The following CLYBL variants were observed in gnomAD, a reference collection of about 807,000 sequenced individuals.
The protein encoded by CLYBL is citramalyl-CoA lyase, mitochondrial.
Under a neutral mutation model 38.9 loss-of-function variants are expected in CLYBL, and 31 were observed. The ratio of observed to expected loss-of-function variants is 0.80; its 90% CI spans 0.60 to 1.08. The LOEUF (loss-of-function observed/expected upper bound fraction) is 1.08. CLYBL is among the 50% of genes least tolerant of loss of function. The pLI, the probability that CLYBL is intolerant of heterozygous loss-of-function variation, is 0.00. For synonymous variants in CLYBL, 171 were observed against 158.6 expected, an observed-to-expected ratio of 1.08 and a Z score of -0.59; for missense variants, 434 against 411.6, an observed-to-expected ratio of 1.05 and a Z score of -0.47.
intron 2 of CLYBL, among the ~76,000 whole-genome samples, chr13:99,822,886 A>G (rs1356307959): frequency 6.6e-6 from 1 of 152,220 alleles, no homozygotes; most frequent in Non-Finnish European, 1.5e-5. Flanking sequence ...TAGTATGGTC[A>G]GACTGTTATT....
rs184785280 is a variant in CLYBL at position 99,825,868 on chromosome 13, C to G, written c.250-32993C>G. Among the ~76,000 whole-genome samples the G allele has an allele frequency of 3.9e-5, 6 of 152,278 alleles. No individual in the cohort carries two copies. The East Asian group carries it at 1.2e-3, about 29-fold the overall frequency. ...CATCAAATGGATGGGTCTTCCTGCC[C>G]GCTGTTTCAGTTTGCCTCCCAGTCC... is the stretch of plus-strand genomic sequence containing the variant. On this transcript the variant is annotated intron_variant, in intron 2 of 8. Transcript: ENST00000339105.
intron 1 of CLYBL, among the ~76,000 whole-genome samples, chr13:99,682,817 A>G (rs2047756565): frequency 6.6e-6 from 1 of 151,770 alleles, no homozygotes; most frequent in African/African-American, 2.4e-5. Flanking sequence ...GCTCACTGCA[A>G]TCTCAGCCTC....
chr13:99,889,535 A>T (rs2052435459), intron 7 of CLYBL, among the ~76,000 whole-genome samples: 1 of 152,190 alleles, frequency 6.6e-6, no homozygotes, highest in African/African-American at 2.4e-5. Flanking sequence ...CTAGGGGTAA[A>T]AACAGTAAAA....
chr13:99,646,557 C>T lies in CLYBL; in HGVS notation c.62+39800C>T, dbSNP rs190287643. On this transcript the variant is annotated intron_variant, in intron 1 of 8. Transcript: ENST00000339105. ...GAGATGGAGTCTCACTCTGGCACCC[C>T]GGCTGGAGTGCAGTGGCGTGATCTC... Among the ~76,000 whole-genome samples the T allele has an allele frequency of 9.7e-3, 1,363 of 140,128 alleles. 24 individuals carry two copies. The highest frequency in any genetic ancestry group is 0.034 in the African/African-American group (1,271 of 37,034). 91.9% of individuals were successfully genotyped at this position (140,128 alleles called of 152,430 possible).
At chr13:99,898,995 C>T (rs925980189), downstream of CLYBL, among the ~76,000 whole-genome samples, 2 of 152,192 alleles carry the variant, frequency 1.3e-5, no homozygotes, top group African/African-American at 2.4e-5. Context: ...CTGAGTCTCC[C>T]TCCTCCACTT....
intron 7 of CLYBL, chr13:99,884,858 C>T (rs2052306996): frequency 7.2e-6 from 3 of 414,088 alleles, no homozygotes; most frequent in Admixed American, 5.3e-5. Context: ...AAAGATTCAG[C>T]AGGGATGTGT....
intron 3 of CLYBL, among the ~76,000 whole-genome samples, chr13:99,860,692 A>C (rs1179791840): frequency 6.6e-6 from 1 of 152,260 alleles, no homozygotes; most frequent in Non-Finnish European, 1.5e-5. Flanking sequence ...AATCCTTGGA[A>C]GTGAGACACA....
downstream of CLYBL, chr13:99,895,194 C>T (rs1261837678): frequency 6.6e-6 from 1 of 151,942 alleles, no homozygotes; most frequent in Non-Finnish European, 1.5e-5. Context: ...TGACTTTCTT[C>T]ATTGGGGACA....
At chr13:99,648,676 G>C (rs1219765122) in intron 1 of CLYBL, among the ~76,000 whole-genome samples, 1 of 152,138 alleles carries the variant, frequency 6.6e-6, no homozygotes, top group Admixed American at 6.6e-5. Context: ...TCAGTGTTTA[G>C]GGTCTTTTCT....
At chr13:99,779,837 G>A (rs370802868) in intron 2 of CLYBL, among the ~76,000 whole-genome samples, 2 of 152,102 alleles carry the variant, frequency 1.3e-5, no homozygotes, top group African/African-American at 2.4e-5. Flanking sequence ...GACATGGTGG[G>A]TGGTTAGAGA....
At chr13:99,904,158 G>A (rs1566374244) in intron 8 of CLYBL, among the ~76,000 whole-genome samples, 1 of 152,172 alleles carries the variant, frequency 6.6e-6, no homozygotes, top group African/African-American at 2.4e-5. Flanking sequence ...CTGGATCTTG[G>A]CTGATATTAG....
chr13:99,665,837 T>A (rs2047473194), intron 1 of CLYBL, among the ~76,000 whole-genome samples: 1 of 152,240 alleles, frequency 6.6e-6, no homozygotes, highest in African/African-American at 2.4e-5. Context: ...CAGATGGGAT[T>A]CTCAGATCGT....
rs562349313 is a variant in CLYBL at position 99,671,912 on chromosome 13, C to T, written c.62+65155C>T. On this transcript the variant is annotated intron_variant, in intron 1 of 8. Coordinates refer to ENST00000339105, the MANE Select transcript of CLYBL (RefSeq NM_206808.5). ...TGGACTCACGTCCCTGACTTGTGCA[C>T]CTCCCTCCCAAGCACACAGTCCCCT... Among the ~76,000 whole-genome samples the T allele has an allele frequency of 3.3e-5, 5 of 152,298 alleles. No homozygotes were observed. The East Asian group carries it at 9.6e-4, about 29-fold the overall frequency.
At chr13:99,790,220 G>A (rs1229778509) in intron 2 of CLYBL, among the ~76,000 whole-genome samples, 2 of 152,154 alleles carry the variant, frequency 1.3e-5, no homozygotes, top group Non-Finnish European at 2.9e-5. Flanking sequence ...ATTGTTATGT[G>A]TGAATTTGAT....
rs569371056 is a variant in CLYBL at position 99,828,780 on chromosome 13, T to C, written c.250-30081T>C. ...GAATTTAGAAAGCCTTTTCATGTCA[T>C]CTTTTTTTCTTTCTTGCTCATTGCT... On this transcript the variant is annotated intron_variant, in intron 2 of 8. Coordinates refer to ENST00000339105, the MANE Select transcript of CLYBL (RefSeq NM_206808.5). Among the ~76,000 whole-genome samples, 24 of 152,342 alleles carry C rather than the reference T, an allele frequency of 1.6e-4. No homozygotes were observed. The South Asian group carries it at 5.0e-3, about 32-fold the overall frequency.
chr13:99,719,048 T>G (rs1189332773), intron 1 of CLYBL, among the ~76,000 whole-genome samples: 2 of 151,884 alleles, frequency 1.3e-5, no homozygotes, highest in Non-Finnish European at 2.9e-5. Flanking sequence ...ACATGGGGTT[T>G]CTCCATGTTG....
At chr13:99,901,938 C>G (rs972562980), downstream of CLYBL, among the ~76,000 whole-genome samples, 27 of 152,272 alleles carry the variant, frequency 1.8e-4, no homozygotes, top group African/African-American at 6.0e-4. Context: ...AGCTGCTATT[C>G]CCAATATCCT....
chr13:99,664,030 T>C (rs1378788536), intron 1 of CLYBL, among the ~76,000 whole-genome samples: 1 of 152,242 alleles, frequency 6.6e-6, no homozygotes, highest in Non-Finnish European at 1.5e-5. Flanking sequence ...TTGTGATTAT[T>C]TTATAAACTT....
intron 1 of CLYBL, among the ~76,000 whole-genome samples, chr13:99,647,044 T>C (rs2047187255): frequency 6.6e-6 from 1 of 152,162 alleles, no homozygotes; most frequent in Non-Finnish European, 1.5e-5. Context: ...TGGGAATGCT[T>C]GTCACTGCCA....
Sources: gnomAD v4.1 joint callset for allele counts (sites outside exome capture counted in the v4.1 genomes callset) on GRCh38, gnomAD v4.1.1 for gene constraint, MANE v1.5 for transcripts, NCBI Gene and HGNC (gene_info 2026-07-23, HGNC 2026-07-21) for gene names.